Variants in SLC8A1 observed in about 807,000 individuals in gnomAD.
SLC8A1 encodes the protein sodium/calcium exchanger 1.
SLC8A1 carries 18 observed loss-of-function variants against 68.3 expected under a neutral mutation model. The observed-to-expected ratio is 0.26, with a 90% CI of 0.18 to 0.39. The LOEUF (loss-of-function observed/expected upper bound fraction) is 0.39, where lower values mean the gene tolerates loss of function less well. SLC8A1 is among the 10% of genes least tolerant of loss of function. The pLI is 1.00. For missense variants in SLC8A1, 985 were observed against 1,156.7 expected, an observed-to-expected ratio of 0.85 and a Z score of 2.15; for synonymous variants, 475 against 415.5, an observed-to-expected ratio of 1.14 and a Z score of -1.74.
chr2:40,169,856 C>T (rs552859532), intron 4 of SLC8A1, among the ~76,000 whole-genome samples: 2 of 152,216 alleles, frequency 1.3e-5, no homozygotes, highest in South Asian at 2.1e-4. Flanking sequence ...TGTGAGGATC[C>T]CTTGGGCTCA....
At chr2:40,319,971 A>G (rs1476364395) in intron 2 of SLC8A1, among the ~76,000 whole-genome samples, 1 of 152,156 alleles carries the variant, frequency 6.6e-6, no homozygotes, top group African/African-American at 2.4e-5. Context: ...TGCATCTTAA[A>G]TGGGGATTAT....
chr2:40,441,751 TA>T (rs1387790775), intron 1 of SLC8A1, among the ~76,000 whole-genome samples: 1 of 152,020 alleles, frequency 6.6e-6, no homozygotes, highest in African/African-American at 2.4e-5. Context: ...CCCTACACCT[TA>T]TACAAAAATT....
At chr2:40,261,467 T>C (rs1258994928) in intron 2 of SLC8A1, among the ~76,000 whole-genome samples, 1 of 152,242 alleles carries the variant, frequency 6.6e-6, no homozygotes, top group Non-Finnish European at 1.5e-5. Flanking sequence ...GTTGAAAATC[T>C]CAAACAATAT....
At chr2:40,211,953 C>T (rs780594423) in intron 2 of SLC8A1, among the ~76,000 whole-genome samples, 23 of 151,994 alleles carry the variant, frequency 1.5e-4, no homozygotes, top group Non-Finnish European at 4.4e-5. Context: ...TAGTTAATGC[C>T]CACATAATAT....
chr2:40,392,441 T>G (rs1045301586), intron 2 of SLC8A1, among the ~76,000 whole-genome samples: 2 of 152,096 alleles, frequency 1.3e-5, no homozygotes, highest in Non-Finnish European at 2.9e-5. Context: ...TTGGGAAGTT[T>G]AGGAAACATA....
intron 6 of SLC8A1, among the ~76,000 whole-genome samples, chr2:40,148,762 A>AT (rs1338059578): frequency 6.6e-6 from 1 of 152,240 alleles, no homozygotes; most frequent in Non-Finnish European, 1.5e-5. Context: ...TATAAACAAG[A>AT]TTTTTAAGAG....
At chr2:40,501,234 C>T (rs1263941521) in intron 1 of SLC8A1, among the ~76,000 whole-genome samples, 6 of 152,072 alleles carry the variant, frequency 3.9e-5, no homozygotes, top group African/African-American at 1.4e-4. Context: ...ATCTCTTTAT[C>T]CTTCTTTACT....
intron 1 of SLC8A1, among the ~76,000 whole-genome samples, chr2:40,475,773 C>G (rs1704265478): frequency 1.3e-5 from 2 of 151,988 alleles, no homozygotes; most frequent in African/African-American, 2.4e-5. Flanking sequence ...CTTTTGAGAA[C>G]TTCCATCTTA....
In SLC8A1 at chr2:40,436,145, C is replaced by T. The variant is rs1699365763; in HGVS notation, c.-24-5841G>A. ...ATTGTCTTTCTCTCTTCAAAAGATG[C>T]AACTCTCTAAGGGCAGGGATTTTCA... On this transcript the variant is annotated intron_variant, in intron 1 of 7. Transcript: ENST00000406785. Among the ~76,000 whole-genome samples the T allele has an allele frequency of 2.0e-5, 3 of 152,016 alleles. No homozygotes were observed. The South Asian group carries it at 6.2e-4, about 32-fold the overall frequency.
At chr2:40,220,258 G>C (rs950523099) in intron 2 of SLC8A1, 1 of 151,946 alleles carries the variant, frequency 6.6e-6, no homozygotes, top group African/African-American at 2.4e-5. Context: ...AGAAAAAAGA[G>C]AAAAAATAAA....
At chr2:40,317,022 G>C (rs1482734373) in intron 2 of SLC8A1, among the ~76,000 whole-genome samples, 2 of 151,990 alleles carry the variant, frequency 1.3e-5, no homozygotes, top group Non-Finnish European at 2.9e-5. Context: ...CACTCATACG[G>C]AGTAAGTGCT....
At chr2:40,150,183 G>C (rs1310518330) in intron 6 of SLC8A1, among the ~76,000 whole-genome samples, 5 of 152,092 alleles carry the variant, frequency 3.3e-5, no homozygotes, top group African/African-American at 9.7e-5. Context: ...ACCAGGCAAA[G>C]GCAAGGCAAG....
At chr2:40,212,528 CTG>C (rs1407720621) in intron 2 of SLC8A1, among the ~76,000 whole-genome samples, 2 of 152,080 alleles carry the variant, frequency 1.3e-5, no homozygotes, top group Non-Finnish European at 2.9e-5. Context: ...TGCAACGTGT[CTG>C]TGTGGTCCTC....
At chr2:40,347,698 T>C (rs1575589498) in intron 2 of SLC8A1, among the ~76,000 whole-genome samples, 1 of 152,218 alleles carries the variant, frequency 6.6e-6, no homozygotes, top group South Asian at 2.1e-4. Context: ...ATAAAACTAA[T>C]GAAATACTTT....
At chr2:40,405,527 T>C (rs566730977) in intron 2 of SLC8A1, among the ~76,000 whole-genome samples, 3 of 152,188 alleles carry the variant, frequency 2.0e-5, no homozygotes, top group Non-Finnish European at 4.4e-5. Flanking sequence ...TCTTGGGAGA[T>C]CCCATGCCAC....
intron 6 of SLC8A1, among the ~76,000 whole-genome samples, chr2:40,156,253 C>T (rs1226053593): frequency 1.3e-5 from 2 of 152,136 alleles, no homozygotes; most frequent in East Asian, 3.8e-4. Flanking sequence ...TTAGAGCTAG[C>T]CTAGTCCAAC....
chr2:40,431,226 G>A (rs1219722853), intron 1 of SLC8A1, among the ~76,000 whole-genome samples: 5 of 151,810 alleles, frequency 3.3e-5, no homozygotes, highest in Non-Finnish European at 5.9e-5. Flanking sequence ...TGGAATCAGC[G>A]TCACCAACCT....
In SLC8A1 at chr2:40,253,333, T is replaced by C. The variant is rs2063309446; in HGVS notation, c.1809-75478A>G. On this transcript the variant is annotated intron_variant, in intron 2 of 7. Transcript: ENST00000406785. Reference sequence around the variant, plus strand: ...ACATATATACACACACATATATGTGTATATATATACACACACAATGGAATA... The same window carrying C: ...ACATATATACACACACATATATGTGCATATATATACACACACAATGGAATA... Among the ~76,000 whole-genome samples the C allele has an allele frequency of 3.3e-5, 5 of 149,818 alleles. No homozygotes were observed. In the South Asian group the frequency reaches 8.4e-4, roughly 25 times the overall value.
At chr2:40,259,245 G>C (rs2064359757) in intron 2 of SLC8A1, among the ~76,000 whole-genome samples, 2 of 146,022 alleles carry the variant, frequency 1.4e-5, no homozygotes, top group African/African-American at 5.1e-5. Context: ...TTCCAAGGAT[G>C]GAGATAATAG....
Sources: allele counts gnomAD v4.1 joint callset (sites outside exome capture counted in the v4.1 genomes callset), GRCh38; gene constraint gnomAD v4.1.1; transcripts MANE v1.5; gene names NCBI Gene and HGNC (gene_info 2026-07-23, HGNC 2026-07-21).